TANC2: variants seen among roughly 807,000 people sequenced by gnomAD.
TANC2 encodes the protein tetratricopeptide repeat, ankyrin repeat and coiled-coil containing 2.
In TANC2, 26 loss-of-function variants were observed where a neutral mutation model predicts 210.5. That is an observed-to-expected ratio of 0.12 (90% confidence interval 0.09 to 0.17). The LOEUF is 0.17. Among genes scored for constraint, TANC2 ranks in the 10% least tolerant of loss-of-function variants. TANC2 has a pLI of 1.00. For missense variants in TANC2, 2,129 were observed against 2,608.9 expected (o/e 0.82, Z 4.01); for synonymous variants, 931 against 967.1 (o/e 0.96, Z 0.69).
chr17:63,062,887 A>G (rs748007013), intron 2 of TANC2, among the ~76,000 whole-genome samples: 2 of 152,182 alleles, frequency 1.3e-5, no homozygotes, highest in East Asian at 1.9e-4. Context: ...GAAGACACCA[A>G]TCAGGTGTCC....
At position 63,236,253 on chromosome 17, in the gene TANC2, A is replaced by G. The variant is rs117616486; in HGVS notation, c.770-1561A>G. 5.5e-3 allele frequency among the ~76,000 whole-genome samples: 838 copies of G among 152,194 alleles called. 3 individuals carry two copies. The highest frequency in any genetic ancestry group is 0.016 in the East Asian group (82 of 5,186). On this transcript the variant is annotated intron_variant, in intron 7 of 27. Transcript: ENST00000689528. The stretch of plus-strand genomic sequence containing the variant: ...TTGATGAAATTCTGAAAATTTTACC[A>G]CTAATAGACCTGAGCTGTAGTTTCT...
At chr17:63,386,451 C>A (rs1306877977) in intron 15 of TANC2, among the ~76,000 whole-genome samples, 1 of 151,956 alleles carries the variant, frequency 6.6e-6, no homozygotes, top group Admixed American at 6.6e-5. Context: ...TCAAAATAAT[C>A]CCATCAAGGG....
intron 9 of TANC2, among the ~76,000 whole-genome samples, chr17:63,310,125 A>G (rs1329062549): frequency 6.6e-6 from 1 of 152,228 alleles, no homozygotes; most frequent in Non-Finnish European, 1.5e-5. Context: ...GTTTGGCGAC[A>G]TAAACTGTTT....
At chr17:63,021,713 T>C (rs1373781090) in intron 2 of TANC2, among the ~76,000 whole-genome samples, 1 of 152,186 alleles carries the variant, frequency 6.6e-6, no homozygotes, top group African/African-American at 2.4e-5. Flanking sequence ...TAGAAGCAGC[T>C]TGAAAGTGAA....
chr17:63,034,421 G>T (rs745460947), intron 2 of TANC2, among the ~76,000 whole-genome samples: 7 of 152,176 alleles, frequency 4.6e-5, no homozygotes, highest in Non-Finnish European at 8.8e-5. Flanking sequence ...CATTCAAGGA[G>T]ATTAATGTTA....
At chr17:63,031,470 T>A (rs1185082347) in intron 2 of TANC2, among the ~76,000 whole-genome samples, 1 of 152,164 alleles carries the variant, frequency 6.6e-6, no homozygotes, top group Non-Finnish European at 1.5e-5. Flanking sequence ...ATCTTAGCTC[T>A]GGTATTATTC....
intron 1 of TANC2, among the ~76,000 whole-genome samples, chr17:62,986,641 G>A (rs1420682156): frequency 6.6e-6 from 1 of 151,932 alleles, no homozygotes; most frequent in Non-Finnish European, 1.5e-5. Context: ...GCGCATGACT[G>A]TATGGCTAGC....
intron 15 of TANC2, among the ~76,000 whole-genome samples, chr17:63,385,939 T>G (rs2147124909): frequency 6.6e-6 from 1 of 152,362 alleles, no homozygotes; most frequent in Non-Finnish European, 1.5e-5. Flanking sequence ...GCCTTTTGGC[T>G]CATGCTCTTA....
In TANC2 at chr17:63,232,699, C is replaced by T. The variant is rs571196781; in HGVS notation, c.770-5115C>T. 1.1e-4 allele frequency among the ~76,000 whole-genome samples: 16 copies of T among 152,330 alleles called. No individual in the cohort carries two copies. In the South Asian group the frequency reaches 2.7e-3, roughly 26 times the overall value. ...GAACCCTCCTGTATAAGGTGTCTGGCGACCCCTGTTGGGGGTTCTCACCCA... is the reference window on the plus strand; with the variant it reads ...GAACCCTCCTGTATAAGGTGTCTGGTGACCCCTGTTGGGGGTTCTCACCCA... On this transcript the variant is annotated intron_variant, in intron 7 of 27. Transcript: ENST00000689528.
chr17:63,091,795 C>T (rs1024104452), intron 3 of TANC2, among the ~76,000 whole-genome samples: 6 of 152,062 alleles, frequency 3.9e-5, no homozygotes, highest in Non-Finnish European at 8.8e-5. Flanking sequence ...CTATAAATTA[C>T]CTTGGGCAGT....
chr17:63,362,233 G>T, intron 14 of TANC2, among the ~76,000 whole-genome samples: 1 of 152,230 alleles, frequency 6.6e-6, no homozygotes, highest in Admixed American at 6.5e-5. Flanking sequence ...CTGCAGGCAG[G>T]TTGTCTCATC....
At chr17:62,976,766 T>C (rs894451255) in intron 1 of TANC2, among the ~76,000 whole-genome samples, 1 of 152,216 alleles carries the variant, frequency 6.6e-6, no homozygotes, top group Non-Finnish European at 1.5e-5. Flanking sequence ...GCCTAAATAC[T>C]TGCCCTGGCA....
intron 12 of TANC2, 39 bp downstream of exon 12, chr17:63,340,371 T>C (rs1192616791): frequency 6.4e-7 from 1 of 1,563,560 alleles, no homozygotes; most frequent in Non-Finnish European, 8.8e-7. Flanking sequence ...GATGGAGGTT[T>C]AGAGCCCAAG....
intron 7 of TANC2, among the ~76,000 whole-genome samples, chr17:63,223,137 G>C (rs1353509553): frequency 1.3e-5 from 2 of 152,180 alleles, no homozygotes; most frequent in Non-Finnish European, 2.9e-5. Context: ...GGGCATGATA[G>C]TAACTGCTTA....
chr17:63,198,027 A>G (rs1249311678), intron 6 of TANC2, among the ~76,000 whole-genome samples: 2 of 152,188 alleles, frequency 1.3e-5, no homozygotes, highest in African/African-American at 4.8e-5. Context: ...TTTTGCACAA[A>G]ATAACTTAGA....
At chr17:63,239,208 A>G (rs1394481283) in intron 8 of TANC2, among the ~76,000 whole-genome samples, 1 of 152,074 alleles carries the variant, frequency 6.6e-6, no homozygotes, top group Non-Finnish European at 1.5e-5. Flanking sequence ...ATACGGAGTC[A>G]TCATTCCTTA....
intron 3 of TANC2, among the ~76,000 whole-genome samples, chr17:63,098,484 A>ACTCTCTCTCT (rs1175349288): frequency 2.8e-5 from 2 of 72,342 alleles, no homozygotes; most frequent in Admixed American, 2.6e-4. Context: ...ACACACATAC[A>ACTCTCTCTCT]CTCTCTCTCT....
chr17:62,997,185 G>C (rs1598214248), intron 1 of TANC2, among the ~76,000 whole-genome samples: 3 of 150,324 alleles, frequency 2.0e-5, no homozygotes, highest in Admixed American at 6.6e-5. Flanking sequence ...ACCCAGGCTG[G>C]CGTGCAGTGG....
rs150857346 is a variant in TANC2 at position 63,417,705 on chromosome 17, G to A, written c.4168-602G>A. Among the ~76,000 whole-genome samples, 281 of 152,194 alleles carry A rather than the reference G, an allele frequency of 1.8e-3. 1 individual carries two copies. The highest frequency in any genetic ancestry group is 6.3e-3 in the African/African-American group (263 of 41,504). ...CTGTATCACACTTGATCCTACCCCC[G>A]GGGTAGGTATGGATGAGAAAATACA... On this transcript the variant is annotated intron_variant, in intron 26 of 27. Transcript: ENST00000689528.
Sources: gnomAD v4.1 joint callset for allele counts (sites outside exome capture counted in the v4.1 genomes callset) on GRCh38, gnomAD v4.1.1 for gene constraint, MANE v1.5 for transcripts, NCBI Gene and HGNC (gene_info 2026-07-23, HGNC 2026-07-21) for gene names.